The following AGPAT3 variants were observed in gnomAD, a reference collection of about 807,000 sequenced individuals.
The protein encoded by AGPAT3 is 1-acylglycerol-3-phosphate O-acyltransferase 3, also known as 1-acyl-sn-glycerol-3-phosphate acyltransferase gamma.
AGPAT3 carries 5 observed loss-of-function variants against 47.3 expected under a neutral mutation model. The ratio of observed to expected loss-of-function variants is 0.11; its 90% CI spans 0.06 to 0.22. The LOEUF (loss-of-function observed/expected upper bound fraction) is 0.22, where lower values mean the gene tolerates loss of function less well. AGPAT3 is among the 10% of genes least tolerant of loss of function. The pLI is 1.00. For synonymous variants in AGPAT3, 212 were observed against 208.3 expected (o/e 1.02, Z -0.15); for missense variants, 315 against 493.0 (o/e 0.64, Z 3.42).
Position 43,933,725 on chromosome 21 carries a change from C to T in AGPAT3, c.-48-25909C>T, listed in dbSNP as rs562886888. On this transcript the variant is annotated intron_variant, in intron 2 of 9. Transcript: ENST00000291572. This position sits in a 1 kb window ranked among gnomAD's most constrained non-coding sequence, Gnocchi z 6.0. ...CACAGGGGAAAGGTGAGGGGAGAGT[C>T]AGGAGAGAAGGACGCCGCATACCAG... is the stretch of plus-strand genomic sequence containing the variant. Among the ~76,000 whole-genome samples, 15 of 151,868 alleles carry T rather than the reference C, an allele frequency of 9.9e-5. No individual in the cohort carries two copies. The East Asian group carries it at 1.5e-3, about 16-fold the overall frequency.
At chr21:43,900,620 G>A (rs1455934405) in intron 1 of AGPAT3, among the ~76,000 whole-genome samples, 1 of 152,134 alleles carries the variant, frequency 6.6e-6, no homozygotes, top group East Asian at 1.9e-4. Flanking sequence ...CTGAGGAGGG[G>A]CCTTCCAGTC....
chr21:43,968,651 G>A (rs886112228), intron 4 of AGPAT3, among the ~76,000 whole-genome samples: 19 of 152,022 alleles, frequency 1.2e-4, no homozygotes, highest in African/African-American at 4.4e-4. Context: ...GCCCTGGCCC[G>A]CAGGGCCTCA....
At chr21:43,927,585 G>A (rs946859324) in intron 2 of AGPAT3, among the ~76,000 whole-genome samples, 1 of 152,250 alleles carries the variant, frequency 6.6e-6, no homozygotes, top group African/African-American at 2.4e-5. Context: ...GCTAGAGGCT[G>A]AAGTGTTCTC....
At chr21:43,944,094 C>T (rs976395527) in intron 2 of AGPAT3, among the ~76,000 whole-genome samples, 5 of 152,240 alleles carry the variant, frequency 3.3e-5, no homozygotes, top group African/African-American at 7.2e-5. Flanking sequence ...GCCACACCTC[C>T]CTCTCGGGCC....
At position 43,936,560 on chromosome 21, in the gene AGPAT3, C is replaced by T. The variant is rs561331598; in HGVS notation, c.-48-23074C>T. Among the ~76,000 whole-genome samples, 5 of 152,370 alleles carry T rather than the reference C, an allele frequency of 3.3e-5. No homozygotes were observed. In the South Asian group the frequency reaches 8.3e-4, roughly 25 times the overall value. ...GACACAGTGAGAGAATCAGGTGGCA[C>T]GCCGGTAATGCCTGTGTTGAAAGAC... On this transcript the variant is annotated intron_variant, in intron 2 of 9. Transcript: ENST00000291572.
At position 43,934,470 on chromosome 21, in the gene AGPAT3, C is replaced by T. The variant is rs776050814; in HGVS notation, c.-48-25164C>T. On this transcript the variant is annotated intron_variant, in intron 2 of 9. Transcript: ENST00000291572. The surrounding 1 kb of genome is among the most constrained non-coding windows in gnomAD (Gnocchi z 4.7). ...TCGTTGGTAGAGTCAGGAGGCTGGG[C>T]CTCCACTAGGATGTTATACAGGCAG... 1.3e-5 allele frequency among the ~76,000 whole-genome samples: 2 copies of T among 152,252 alleles called. No homozygotes were observed. The highest frequency in any genetic ancestry group is 2.9e-5 in the Non-Finnish European group (2 of 68,040).
At chr21:43,912,759 T>A (rs1483297281) in intron 2 of AGPAT3, among the ~76,000 whole-genome samples, 1 of 152,248 alleles carries the variant, frequency 6.6e-6, no homozygotes, top group Non-Finnish European at 1.5e-5. Flanking sequence ...ATAAACCATA[T>A]GTGGTCATGA....
chr21:43,880,313 A>G lies in AGPAT3; in HGVS notation c.-112+14968A>G, dbSNP rs956154620. Among the ~76,000 whole-genome samples, 12 of 152,154 alleles carry G rather than the reference A, an allele frequency of 7.9e-5. No homozygotes were observed. Among genetic ancestry groups the G allele is most frequent in the African/African-American group, 2.7e-4 (11 of 41,420 alleles). ...AGATCTGGGAGCGGCAGGGGCAGCC[A>G]CTGTTCCTGTGGAACACACTGGAGA... is the stretch of plus-strand genomic sequence containing the variant. On this transcript the variant is annotated intron_variant, in intron 1 of 9. Coordinates refer to ENST00000291572, the MANE Select transcript of AGPAT3 (RefSeq NM_020132.5). The surrounding 1 kb of genome is among the most constrained non-coding windows in gnomAD (Gnocchi z 4.5).
rs1214840822 is a variant in AGPAT3, at chr21:43,986,181, A to C, written c.*3789A>C. 1 of 152,290 alleles carries C rather than the reference A, an allele frequency of 6.6e-6. No homozygotes were observed. Among genetic ancestry groups the C allele is most frequent in the Non-Finnish European group, 1.5e-5 (1 of 68,058 alleles). The allele number at this position is 152,290 out of a possible 1,614,324, so 9.4% of individuals were successfully genotyped here. On this transcript the variant is annotated 3_prime_UTR_variant, in exon 10 of 10. Coordinates refer to ENST00000291572, the MANE Select transcript of AGPAT3 (RefSeq NM_020132.5). ...ACACTGATCTGCTGGAGTGGGGTGG[A>C]CACATGAATTCAGTTTTATCATGAA...
intron 2 of AGPAT3, among the ~76,000 whole-genome samples, chr21:43,944,488 G>A (rs953779343): frequency 2.0e-5 from 3 of 152,234 alleles, no homozygotes; most frequent in South Asian, 4.1e-4. Flanking sequence ...AGAGGAGGCC[G>A]CGGGAGTCAT....
chr21:43,977,343 C>T (rs1409426389), intron 7 of AGPAT3, among the ~76,000 whole-genome samples: 1 of 152,190 alleles, frequency 6.6e-6, no homozygotes, highest in East Asian at 1.9e-4. Flanking sequence ...TCATGACTGT[C>T]TCTGAAGAAT....
chr21:43,919,086 T>C (rs2086829432), intron 2 of AGPAT3, among the ~76,000 whole-genome samples: 1 of 152,206 alleles, frequency 6.6e-6, no homozygotes, highest in Non-Finnish European at 1.5e-5. Context: ...CTGTCCATCA[T>C]TTATATTCTT....
chr21:43,969,191 T>C lies in AGPAT3; in HGVS notation c.422T>C (p.Ile141Thr), dbSNP rs1328058618. The C allele has an allele frequency of 1.2e-6, 2 of 1,613,958 alleles. No individual in the cohort carries two copies. The highest frequency in any genetic ancestry group is 1.7e-6 in the Non-Finnish European group (2 of 1,180,000). ...GGCTGGACGTGGTACTTTCTGGAGA[T>C]TGTGTTCTGCAAGCGGAAGTGGGAG... ...LIGWTWYFLEIVFCKRKWEED... is the reference protein window; with the variant it reads ...LIGWTWYFLETVFCKRKWEED... Residue 141 changes from isoleucine to threonine, a missense_variant, in exon 5 of 10, where the codon ATT (isoleucine) becomes ACT (threonine). Physicochemically the swap from Ile to Thr is moderately conservative, Grantham distance 89 (BLOSUM62 -1). Transcript: ENST00000291572.
At chr21:43,904,691 T>C (rs962475658) in intron 2 of AGPAT3, among the ~76,000 whole-genome samples, 4 of 152,148 alleles carry the variant, frequency 2.6e-5, no homozygotes, top group African/African-American at 7.2e-5. Flanking sequence ...CCCGTCGTCA[T>C]AGGGCCCCTG....
chr21:43,899,991 A>G (rs550481325), intron 1 of AGPAT3, among the ~76,000 whole-genome samples: 20 of 152,316 alleles, frequency 1.3e-4, no homozygotes, highest in African/African-American at 3.4e-4. Context: ...CTTGCCTTCT[A>G]GTTTAACGTG....
rs537238978 is a variant in AGPAT3, at chr21:43,920,688, G to T, written c.-49+16669G>T. The stretch of plus-strand genomic sequence containing the variant: ...CTCCACAGACTCCCTCAAGGACAGC[G>T]TTTGGGGGCTTGCAGGCTGCTAAGC... On this transcript the variant is annotated intron_variant, in intron 2 of 9. Coordinates refer to ENST00000291572, the MANE Select transcript of AGPAT3 (RefSeq NM_020132.5). The surrounding 1 kb of genome is among the most constrained non-coding windows in gnomAD (Gnocchi z 6.1). Among the ~76,000 whole-genome samples the T allele has an allele frequency of 5.9e-5, 9 of 152,314 alleles. No individual in the cohort carries two copies. The South Asian group carries it at 1.4e-3, about 25-fold the overall frequency.
At chr21:43,874,676 CT>C (rs1358486889) in intron 1 of AGPAT3, among the ~76,000 whole-genome samples, 1 of 152,162 alleles carries the variant, frequency 6.6e-6, no homozygotes, top group African/African-American at 2.4e-5. Flanking sequence ...AGCTTTTTGT[CT>C]GGCTGCTTTT....
At chr21:43,894,595 T>C (rs903473032) in intron 1 of AGPAT3, among the ~76,000 whole-genome samples, 1 of 152,198 alleles carries the variant, frequency 6.6e-6, no homozygotes, top group African/African-American at 2.4e-5. Context: ...CTGCTATCTA[T>C]TTTGAAATAT....
At chr21:43,959,999 G>A in intron 3 of AGPAT3, 140 bp downstream of exon 3, 1 of 888,748 alleles carries the variant, frequency 1.1e-6, no homozygotes, top group Non-Finnish European at 1.7e-6. Context: ...CTGGCAGGCT[G>A]TCGGAAGGCA....
Sources: gnomAD v4.1 joint callset for allele counts (sites outside exome capture counted in the v4.1 genomes callset) on GRCh38, gnomAD v4.1.1 for gene constraint, Gnocchi (gnomAD v3.1) non-coding constraint, MANE v1.5 for transcripts, NCBI Gene and HGNC (gene_info 2026-07-23, HGNC 2026-07-21) for gene names.